WFDC10B: variants seen among roughly 807,000 people sequenced by gnomAD.
The protein encoded by WFDC10B is WAP four-disulfide core domain 10B.
In WFDC10B, 1 loss-of-function variant was observed where a neutral mutation model predicts 2.7. The observed-to-expected ratio is 0.38, with a 90% confidence interval of 0.13 to 1.79. WFDC10B has a LOEUF of 1.79. Ranked by LOEUF, WFDC10B falls within the 40% of genes most tolerant of loss-of-function variation. The pLI is 0.33. For synonymous variants in WFDC10B, 26 were observed against 32.2 expected (o/e 0.81, Z 0.65); for missense variants, 71 against 87.8 (o/e 0.81, Z 0.76).
At chr20:45,704,783 T>G in intron 1 of WFDC10B, 135 bp downstream of exon 1, 1 of 1,286,454 alleles carries the variant, frequency 7.8e-7, no homozygotes. Context: ...AAAGCCCTCC[T>G]CCCCTCCCAA....
intron 2 of WFDC10B, among the ~76,000 whole-genome samples, chr20:45,688,183 G>C (rs962843405): frequency 6.6e-6 from 1 of 151,902 alleles, no homozygotes; most frequent in Non-Finnish European, 1.5e-5. Context: ...CTTCATCCAT[G>C]TCCCTGCAAA....
chr20:45,704,657 T>TC, intron 1 of WFDC10B, 96 bp from the exon 2 acceptor site: 2 of 1,574,998 alleles, frequency 1.3e-6, no homozygotes, highest in South Asian at 2.4e-5. Context: ...AGCAGAAGAG[T>TC]CCCTTACCAG....
chr20:45,694,634 C>A (rs1983926107), intron 2 of WFDC10B, among the ~76,000 whole-genome samples: 1 of 152,122 alleles, frequency 6.6e-6, no homozygotes, highest in Admixed American at 6.5e-5. Flanking sequence ...GTCTTTGTCC[C>A]CAGTTCCTGG....
intron 2 of WFDC10B, among the ~76,000 whole-genome samples, chr20:45,697,963 C>T (rs1251446618): frequency 6.6e-6 from 1 of 151,746 alleles, no homozygotes; most frequent in African/African-American, 2.4e-5. Flanking sequence ...AGGCTGGTCT[C>T]GAACTCCTGG....
chr20:45,689,803 T>C (rs534918680), intron 2 of WFDC10B, among the ~76,000 whole-genome samples: 263 of 152,328 alleles, frequency 1.7e-3, no homozygotes, highest in African/African-American at 5.9e-3. Context: ...ACAATTTGAC[T>C]TCCTCTTTTC....
intron 2 of WFDC10B, among the ~76,000 whole-genome samples, chr20:45,687,052 A>G: frequency 6.6e-6 from 1 of 152,150 alleles, no homozygotes. Flanking sequence ...CATGTGCAGG[A>G]TGTGCAGGTT....
At chr20:45,689,562 T>C (rs1437629584) in intron 2 of WFDC10B, among the ~76,000 whole-genome samples, 1 of 152,202 alleles carries the variant, frequency 6.6e-6, no homozygotes, top group Admixed American at 6.5e-5. Flanking sequence ...TTCACGTCCC[T>C]TTTAAGTTGG....
intron 2 of WFDC10B, among the ~76,000 whole-genome samples, chr20:45,694,737 G>C (rs988089636): frequency 1.3e-5 from 2 of 152,170 alleles, no homozygotes; most frequent in Non-Finnish European, 2.9e-5. Context: ...CTCAGTTTCT[G>C]CTAATGAGGT....
intron 2 of WFDC10B, among the ~76,000 whole-genome samples, chr20:45,688,445 G>A (rs1406335295): frequency 2.0e-5 from 3 of 151,108 alleles, no homozygotes; most frequent in Admixed American, 6.6e-5. Context: ...CTGAGGAATC[G>A]CCACTCCCAC....
At chr20:45,696,285 C>CA (rs368423161) in intron 2 of WFDC10B, among the ~76,000 whole-genome samples, 4,156 of 47,168 alleles carry the variant, frequency 0.088, 165 homozygotes, top group African/African-American at 0.14. Context: ...GACTCCGTCT[C>CA]AAAAAAAAAA....
intron 2 of WFDC10B, among the ~76,000 whole-genome samples, chr20:45,689,368 T>A (rs1297102498): frequency 1.3e-5 from 2 of 151,614 alleles, no homozygotes; most frequent in Non-Finnish European, 3.0e-5. Context: ...TTTTTTCCAA[T>A]TCTGTGAAGA....
At chr20:45,694,661 C>G (rs373608807) in intron 2 of WFDC10B, among the ~76,000 whole-genome samples, 2 of 152,154 alleles carry the variant, frequency 1.3e-5, no homozygotes, top group South Asian at 4.1e-4. Context: ...GTTCCTAAAA[C>G]TCTTGGAATT....
At chr20:45,696,910 A>G (rs1357432798) in intron 2 of WFDC10B, among the ~76,000 whole-genome samples, 1 of 152,178 alleles carries the variant, frequency 6.6e-6, no homozygotes. Flanking sequence ...ATTTCACAAA[A>G]TTCACCACCC....
At position 45,685,924 on chromosome 20, in the gene WFDC10B, G is replaced by A. The variant is rs755317932; in HGVS notation, c.69C>T (p.Tyr23=). 2 of 1,614,068 alleles carry A rather than the reference G, an allele frequency of 1.2e-6. No individual in the cohort carries two copies. The highest frequency in any genetic ancestry group is 1.7e-6 in the Non-Finnish European group (2 of 1,180,032). The change falls in exon 3 of 4, where the codon TAC becomes TAT. Residue 23 remains tyrosine (Y), a synonymous_variant. Transcript: ENST00000330523. The part of the protein sequence containing the change: ...CVLLLQAQGG[Y]RDKMRMQRIK... ...TACTCTGCATCCTCATCTTGTCACG[G>A]TATCCTCCCTGGGCCTGCAGCAGCA...
At chr20:45,704,377 T>C in intron 2 of WFDC10B, 120 bp downstream of exon 2, 1 of 1,542,832 alleles carries the variant, frequency 6.5e-7, no homozygotes, top group South Asian at 1.3e-5. Context: ...TTCCCTGGGC[T>C]TTCTGAGTTC....
chr20:45,696,870 T>C (rs1983994487), intron 2 of WFDC10B, among the ~76,000 whole-genome samples: 1 of 152,092 alleles, frequency 6.6e-6, no homozygotes, highest in Admixed American at 6.5e-5. Flanking sequence ...CTTCTCAAAG[T>C]TTTCCAATCT....
At chr20:45,688,478 T>C (rs902887750) in intron 2 of WFDC10B, among the ~76,000 whole-genome samples, 5 of 152,240 alleles carry the variant, frequency 3.3e-5, no homozygotes, top group Non-Finnish European at 7.3e-5. Flanking sequence ...AGTGTTCCTA[T>C]TTCTCCACAT....
At chr20:45,702,922 G>A (rs1016706796) in intron 2 of WFDC10B, among the ~76,000 whole-genome samples, 1 of 152,178 alleles carries the variant, frequency 6.6e-6, no homozygotes, top group African/African-American at 2.4e-5. Flanking sequence ...GCTCAGAAGA[G>A]GGATAAGTGT....
Position 45,704,540 on chromosome 20 carries a change from G to T in WFDC10B, c.-108C>A. The stretch of plus-strand genomic sequence containing the variant: ...GATTGCGAGAAAGGATTTCAGTGCT[G>T]TTCCTCCTTCTGTGGGATAGTCTGT... On this transcript the variant is annotated 5_prime_UTR_variant, in exon 2 of 4. Transcript: ENST00000330523. The T allele has an allele frequency of 6.2e-7, 1 of 1,614,190 alleles. No individual in the cohort carries two copies. The highest frequency in any genetic ancestry group is 8.5e-7 in the Non-Finnish European group (1 of 1,180,040).
Sources: allele counts gnomAD v4.1 joint callset (sites outside exome capture counted in the v4.1 genomes callset), GRCh38; gene constraint gnomAD v4.1.1; transcripts MANE v1.5; gene names NCBI Gene and HGNC (gene_info 2026-07-23, HGNC 2026-07-21).